Variants in FHIP2A observed in about 807,000 individuals in gnomAD.
The protein encoded by FHIP2A is family with sequence similarity 160 member B1.
In FHIP2A, 46 loss-of-function variants were observed where a neutral mutation model predicts 93.5. That is an observed-to-expected ratio of 0.49 (90% confidence interval 0.39 to 0.63). The LOEUF (loss-of-function observed/expected upper bound fraction) is 0.63, where lower values mean the gene tolerates loss of function less well. Among genes scored for constraint, FHIP2A ranks in the 20% least tolerant of loss-of-function variants. FHIP2A has a pLI of 0.00. For missense variants in FHIP2A, 769 were observed against 909.7 expected (o/e 0.85, Z 1.99); for synonymous variants, 332 against 326.5 (o/e 1.02, Z -0.18).
intron 15 of FHIP2A, 91 bp from the exon 16 acceptor site, chr10:114,861,140 A>G: frequency 6.6e-7 from 1 of 1,520,044 alleles, no homozygotes; most frequent in Non-Finnish European, 8.9e-7. Context: ...TCTTTATTAA[A>G]TAGTAGGGAA....
At chr10:114,844,220 C>T (rs1362629589) in intron 7 of FHIP2A, among the ~76,000 whole-genome samples, 1 of 151,918 alleles carries the variant, frequency 6.6e-6, no homozygotes, top group East Asian at 1.9e-4. Flanking sequence ...TTATTAAAAA[C>T]AAAAAACCCT....
chr10:114,845,257 T>C (rs1201021374), intron 7 of FHIP2A, 110 bp from the exon 8 acceptor site: 2 of 573,854 alleles, frequency 3.5e-6, no homozygotes, highest in East Asian at 2.6e-5. Flanking sequence ...CCTGTGTGAA[T>C]GTACCATACT....
chr10:114,853,076 T>C (rs1394273985), intron 13 of FHIP2A, among the ~76,000 whole-genome samples: 1 of 152,236 alleles, frequency 6.6e-6, no homozygotes, highest in Admixed American at 6.5e-5. Context: ...TCTAATCTTT[T>C]GTGGTCCTTT....
In FHIP2A at chr10:114,863,397, A is replaced by G; in HGVS notation, c.*1857A>G. 3.8e-6 allele frequency: 4 copies of G among 1,044,856 alleles called. No homozygotes were observed. The South Asian group carries it at 9.1e-5, about 24-fold the overall frequency. The allele number at this position is 1,044,856 out of a possible 1,614,324, so 64.7% of individuals were successfully genotyped here. On this transcript the variant is annotated 3_prime_UTR_variant, in exon 17 of 17. Transcript: ENST00000369248. Reference sequence around the variant, plus strand: ...TGTTTTCATAGTGCTCAATAGGTGTAGTAGCAATGATATTACCTCTGAAAC... The same window carrying G: ...TGTTTTCATAGTGCTCAATAGGTGTGGTAGCAATGATATTACCTCTGAAAC...
intron 10 of FHIP2A, 92 bp downstream of exon 10, chr10:114,846,459 T>G: frequency 7.0e-7 from 1 of 1,437,668 alleles, no homozygotes; most frequent in Non-Finnish European, 9.4e-7. Flanking sequence ...ACAACCTCTT[T>G]TATTGGCTTT....
In FHIP2A at chr10:114,830,837, C is replaced by T. The variant is rs1331999617; in HGVS notation, c.46-15C>T. The T allele has an allele frequency of 6.3e-7, 1 of 1,580,468 alleles. No homozygotes were observed. Among genetic ancestry groups the T allele is most frequent in the Non-Finnish European group, 8.6e-7 (1 of 1,160,036 alleles). On this transcript the variant is annotated splice_polypyrimidine_tract_variant and intron_variant, in intron 1 of 16. Coordinates refer to ENST00000369248, the MANE Select transcript of FHIP2A (RefSeq NM_020940.4). Reference sequence around the variant, plus strand: ...ATGCCATTTTCTTAATTGTTGTGGTCTTTTGTTTGTGTAGCTTGCACCTTC... The same window carrying T: ...ATGCCATTTTCTTAATTGTTGTGGTTTTTTGTTTGTGTAGCTTGCACCTTC...
At position 114,836,240 on chromosome 10, in the gene FHIP2A, C is replaced by T. The variant is rs771866567; in HGVS notation, c.516C>T (p.Phe172=). Residue 172 remains phenylalanine, a synonymous_variant, in exon 5 of 17, where the codon TTC becomes TTT. Transcript: ENST00000369248. The part of the protein sequence containing the change: ...LKQDPYLVNF[F]LENKMKSLAS... Reference sequence around the variant, plus strand: ...AGGACCCCTACCTGGTTAACTTTTTCCTAGAGGTATGATACACTTTTTATC... The same window carrying T: ...AGGACCCCTACCTGGTTAACTTTTTTCTAGAGGTATGATACACTTTTTATC... The T allele has an allele frequency of 3.3e-5, 53 of 1,589,038 alleles. No individual in the cohort carries two copies. In the South Asian group the frequency reaches 5.5e-4, roughly 16 times the overall value.
intron 12 of FHIP2A, among the ~76,000 whole-genome samples, chr10:114,848,184 G>C (rs1023841294): frequency 6.6e-6 from 1 of 151,870 alleles, no homozygotes; most frequent in African/African-American, 2.4e-5. Flanking sequence ...TGATATACCT[G>C]GTTCTGGCAG....
chr10:114,858,063 A>T (rs1392028045), intron 14 of FHIP2A, among the ~76,000 whole-genome samples: 1 of 152,202 alleles, frequency 6.6e-6, no homozygotes, highest in Non-Finnish European at 1.5e-5. Flanking sequence ...ATTATCTCAA[A>T]ATTTGAGTTC....
chr10:114,832,590 A>C (rs796354345), intron 2 of FHIP2A, among the ~76,000 whole-genome samples: 38 of 152,276 alleles, frequency 2.5e-4, no homozygotes, highest in African/African-American at 8.4e-4. Flanking sequence ...ATAAATACAC[A>C]TAGAACATTT....
rs2083678744 is a variant in FHIP2A, at chr10:114,843,103, G to C, written c.693G>C (p.Gln231His). 3 of 1,613,958 alleles carry C rather than the reference G, an allele frequency of 1.9e-6. No homozygotes were observed. Among genetic ancestry groups the C allele is most frequent in the Non-Finnish European group, 2.5e-6 (3 of 1,180,002 alleles). ...QTELEDEPPH[Q>H]MDHLSTSLDN... ...AATTGGAAGATGAGCCTCCTCATCA[G>C]ATGGATCACCTGTCCACAAGCTTGG... Residue 231 changes from glutamine to histidine, a missense_variant, in exon 6 of 17, where the codon CAG becomes CAC. Physicochemically the swap from Gln to His is conservative, Grantham distance 24. Coordinates refer to ENST00000369248, the MANE Select transcript of FHIP2A (RefSeq NM_020940.4).
intron 16 of FHIP2A, among the ~76,000 whole-genome samples, chr10:114,878,406 G>A (rs1051224774): frequency 6.6e-6 from 1 of 152,178 alleles, no homozygotes; most frequent in African/African-American, 2.4e-5. Context: ...TGGGGGCAAA[G>A]TCACTCATAG....
chr10:114,887,489 C>T lies in FHIP2A; in HGVS notation c.2193-12001C>T, dbSNP rs115066271. 4.3e-3 allele frequency among the ~76,000 whole-genome samples: 661 copies of T among 152,306 alleles called. 7 individuals are homozygous for T. Among genetic ancestry groups the T allele is most frequent in the African/African-American group, 0.015 (614 of 41,566 alleles). On this transcript the variant is annotated intron_variant, in intron 16 of 16. Coordinates refer to the FHIP2A transcript ENST00000369250. ...TTCCGTTTTTAGATTGGGAAACTAA[C>T]GCACAGACAAACAATTTGCCAAAGG...
At chr10:114,876,734 T>TG (rs1566384830) in intron 16 of FHIP2A, among the ~76,000 whole-genome samples, 1 of 152,150 alleles carries the variant, frequency 6.6e-6, no homozygotes, top group Admixed American at 6.5e-5. Context: ...TGCCAGCTCC[T>TG]GGGGCCAGGG....
At position 114,846,564 on chromosome 10, in the gene FHIP2A, C is replaced by T. The variant is rs2083702431; in HGVS notation, c.1404C>T (p.Ser468=). The T allele has an allele frequency of 6.3e-7, 1 of 1,595,466 alleles. No homozygotes were observed. The highest frequency in any genetic ancestry group is 1.2e-5 in the South Asian group (1 of 86,630). The change falls in exon 11 of 17, where the codon AGC becomes AGT. Residue 468 remains serine (S), a synonymous_variant. Transcript: ENST00000369248. ...TTTATCAATTTTGGTTTCAGATAAG[C>T]ATAATGACATTACGAATGTTTGAAC... ...EHCDHISDEI[S]IMTLRMFEHL...
In FHIP2A at chr10:114,843,044, G is replaced by T; in HGVS notation, c.634G>T (p.Glu212Ter). The T allele has an allele frequency of 6.2e-7, 1 of 1,613,670 alleles. No individual in the cohort carries two copies. The highest frequency in any genetic ancestry group is 8.5e-7 in the Non-Finnish European group (1 of 1,179,588). Reference sequence around the variant, plus strand: ...TACAGGACAGTCCCGTCAACCAGAGGAACTATCTGGTGCTACTGGAATGGA... The same window carrying T: ...TACAGGACAGTCCCGTCAACCAGAGTAACTATCTGGTGCTACTGGAATGGA... Reference protein sequence around the residue: ...TDTGQSRQPEELSGATGMEQT... With the variant: ...TDTGQSRQPE Residue 212 changes from glutamate to a stop codon, truncating the protein, a stop_gained, in exon 6 of 17, where the codon GAA becomes TAA. Coordinates refer to ENST00000369248, the MANE Select transcript of FHIP2A (RefSeq NM_020940.4). LOFTEE classifies it high-confidence loss of function.
At position 114,863,844 on chromosome 10, in the gene FHIP2A, C is replaced by G. The variant is rs1488972445; in HGVS notation, c.*2304C>G. 9.6e-7 allele frequency: 1 copy of G among 1,045,790 alleles called. No individual in the cohort carries two copies. The highest frequency in any genetic ancestry group is 1.7e-5 in the African/African-American group (1 of 57,866). 64.8% of individuals were successfully genotyped at this position (1,045,790 alleles called of 1,614,324 possible). ...TAACAATTGATTGCCATAGCAAGTTCCAAAGTGAATTTCAGCCTTGCTTCA... is the reference window on the plus strand; with the variant it reads ...TAACAATTGATTGCCATAGCAAGTTGCAAAGTGAATTTCAGCCTTGCTTCA... On this transcript the variant is annotated 3_prime_UTR_variant, in exon 17 of 17. Transcript: ENST00000369248.
At position 114,843,902 on chromosome 10, in the gene FHIP2A, G is replaced by T. The variant is rs776688806; in HGVS notation, c.978G>T (p.Pro326=). The change falls in exon 7 of 17, where the codon CCG becomes CCT. Residue 326 remains proline (P), a synonymous_variant. Transcript: ENST00000369248. ...AGGCCCTACCTCAGTCAGTGGATCC[G>T]TTAGATATTGAAACCGTGGAAGCAA... ...LYKALPQSVD[P]LDIETVEAIN... 1 of 1,584,214 alleles carries T rather than the reference G, an allele frequency of 6.3e-7. No individual in the cohort carries two copies. The highest frequency in any genetic ancestry group is 2.0e-5 in the Admixed American group (1 of 49,796).
chr10:114,889,949 G>A (rs770422616), intron 16 of FHIP2A, among the ~76,000 whole-genome samples: 14 of 152,162 alleles, frequency 9.2e-5, no homozygotes, highest in Admixed American at 4.6e-4. Flanking sequence ...CAGGTTTCCC[G>A]GAGCCAACCC....
Sources: allele counts gnomAD v4.1 joint callset (sites outside exome capture counted in the v4.1 genomes callset), GRCh38; gene constraint gnomAD v4.1.1; transcripts MANE v1.5; gene names NCBI Gene and HGNC (gene_info 2026-07-23, HGNC 2026-07-21).